Variants in FLT3 observed in about 807,000 individuals in gnomAD.
FLT3 encodes fms related receptor tyrosine kinase 3.
A neutral mutation model predicts 126.6 loss-of-function variants in FLT3; 46 were observed. That is an observed-to-expected ratio of 0.36 (90% CI 0.29 to 0.46). FLT3 has a LOEUF of 0.46. Among genes scored for constraint, FLT3 ranks in the 20% least tolerant of loss-of-function variants. The pLI, the probability that FLT3 is intolerant of heterozygous loss-of-function variation, is 1.00. For synonymous variants in FLT3, 404 were observed against 434.4 expected (o/e 0.93, Z 0.87); for missense variants, 1,069 against 1,190.3 (o/e 0.90, Z 1.50).
intron 1 of FLT3, among the ~76,000 whole-genome samples, chr13:28,096,778 G>T (rs756121347): frequency 6.6e-6 from 1 of 152,110 alleles, no homozygotes; most frequent in Admixed American, 6.5e-5. Context: ...TAATAACTGT[G>T]TTGGAAGGTT....
intron 9 of FLT3, among the ~76,000 whole-genome samples, chr13:28,046,250 A>T (rs1222672766): frequency 6.6e-6 from 1 of 152,204 alleles, no homozygotes. Context: ...TCAGTAAGAG[A>T]CAGTAGACAA....
intron 1 of FLT3, among the ~76,000 whole-genome samples, chr13:28,089,979 G>A (rs1243994841): frequency 6.6e-6 from 1 of 151,552 alleles, no homozygotes; most frequent in Non-Finnish European, 1.5e-5. Context: ...GACTTCAAAT[G>A]ATCCGCCCGC....
intron 6 of FLT3, 71 bp from the exon 7 acceptor site, chr13:28,049,845 C>T: frequency 6.7e-7 from 1 of 1,493,412 alleles, no homozygotes; most frequent in Non-Finnish European, 9.1e-7. Context: ...ATATCCTGAA[C>T]ATTCTGAACA....
chr13:28,052,417 T>A, intron 5 of FLT3, 128 bp downstream of exon 5: 2 of 1,016,246 alleles, frequency 2.0e-6, no homozygotes, highest in Non-Finnish European at 2.9e-6. Context: ...ATTTTTTAAC[T>A]TTAAGAAGCC....
intron 9 of FLT3, among the ~76,000 whole-genome samples, chr13:28,046,132 G>A (rs547060333): frequency 1.8e-3 from 276 of 152,148 alleles, no homozygotes; most frequent in African/African-American, 6.3e-3. Context: ...TGCCAGCAGC[G>A]CCACTGTTGA....
intron 2 of FLT3, among the ~76,000 whole-genome samples, chr13:28,069,032 G>A (rs945787162): frequency 1.3e-5 from 2 of 152,188 alleles, no homozygotes; most frequent in Non-Finnish European, 2.9e-5. Flanking sequence ...GAAAAACAAA[G>A]TCGGAACTTG....
intron 19 of FLT3, among the ~76,000 whole-genome samples, chr13:28,020,884 C>T (rs367899530): frequency 1.5e-4 from 23 of 152,080 alleles, no homozygotes; most frequent in African/African-American, 4.6e-4. Context: ...GACAGTGACA[C>T]GCATGATTCA....
intron 4 of FLT3, among the ~76,000 whole-genome samples, chr13:28,052,948 T>G (rs1308065695): frequency 6.6e-6 from 1 of 152,170 alleles, no homozygotes; most frequent in East Asian, 1.9e-4. Context: ...TGAAGCCATG[T>G]GAAAATACAA....
At chr13:28,019,818 C>A (rs1302050364) in intron 19 of FLT3, among the ~76,000 whole-genome samples, 1 of 152,190 alleles carries the variant, frequency 6.6e-6, no homozygotes, top group African/African-American at 2.4e-5. Flanking sequence ...GCATGGTTCA[C>A]TCCTGCTTTC....
At chr13:28,049,855 A>G in intron 6 of FLT3, 81 bp from the exon 7 acceptor site, 1 of 1,451,870 alleles carries the variant, frequency 6.9e-7, no homozygotes, top group Non-Finnish European at 9.4e-7. Context: ...CATTCTGAAC[A>G]AAGACTTTAG....
At chr13:28,059,411 G>A (rs760967085) in intron 3 of FLT3, among the ~76,000 whole-genome samples, 1 of 152,122 alleles carries the variant, frequency 6.6e-6, no homozygotes, top group African/African-American at 2.4e-5. Flanking sequence ...TTCGGCAAGA[G>A]GACAAGGACA....
chr13:28,064,773 C>A (rs1876869901), intron 2 of FLT3, among the ~76,000 whole-genome samples: 1 of 152,080 alleles, frequency 6.6e-6, no homozygotes, highest in Non-Finnish European at 1.5e-5. Context: ...GGGAACACAC[C>A]CTGCACAACC....
At chr13:28,032,246 T>C (rs1441676858) in intron 15 of FLT3, among the ~76,000 whole-genome samples, 2 of 152,120 alleles carry the variant, frequency 1.3e-5, no homozygotes, top group Non-Finnish European at 2.9e-5. Context: ...ATCCAAACAT[T>C]TAACATATGA....
chr13:28,064,327 C>A (rs1488942332), intron 2 of FLT3, among the ~76,000 whole-genome samples: 2 of 151,826 alleles, frequency 1.3e-5, no homozygotes, highest in African/African-American at 4.8e-5. Flanking sequence ...GAAATCCCAG[C>A]ACTTTGGGAG....
chr13:28,073,338 A>G, intron 1 of FLT3: 1 of 360,792 alleles, frequency 2.8e-6, no homozygotes, highest in Non-Finnish European at 5.4e-6. Flanking sequence ...TGACACAGTG[A>G]GACCTCATCT....
intron 23 of FLT3, among the ~76,000 whole-genome samples, chr13:28,008,598 G>A (rs1049420150): frequency 7.2e-5 from 11 of 152,100 alleles, no homozygotes; most frequent in African/African-American, 2.7e-4. Context: ...TCGTGCCTCA[G>A]CCTCCCAAGT....
In FLT3 at chr13:28,049,373, G is replaced by T. The variant is rs1875210304; in HGVS notation, c.1036+11C>A. On this transcript the variant is annotated intron_variant, in intron 8 of 23. Coordinates refer to ENST00000241453, the MANE Select transcript of FLT3 (RefSeq NM_004119.3). ...AATAGGAATAAAGATTGTGTGAGCA[G>T]CCTGCATTACCTACGATGGTAACCA... is the stretch of plus-strand genomic sequence containing the variant. 6.2e-7 allele frequency: 1 copy of T among 1,609,522 alleles called. No individual in the cohort carries two copies. The highest frequency in any genetic ancestry group is 1.7e-5 in the Admixed American group (1 of 59,286).
chr13:28,058,217 A>C (rs1566088756), intron 3 of FLT3, among the ~76,000 whole-genome samples: 2 of 93,982 alleles, frequency 2.1e-5, no homozygotes, highest in African/African-American at 7.0e-5. Context: ...TAAAAAAAAA[A>C]AACAAAAAAA....
chr13:28,060,936 A>G (rs920759617), intron 3 of FLT3, among the ~76,000 whole-genome samples: 6 of 152,110 alleles, frequency 3.9e-5, no homozygotes, highest in African/African-American at 1.2e-4. Context: ...TTAGACTTAC[A>G]GGAAAATTGA....
Sources: allele counts gnomAD v4.1 joint callset (sites outside exome capture counted in the v4.1 genomes callset), GRCh38; gene constraint gnomAD v4.1.1; transcripts MANE v1.5; gene names NCBI Gene and HGNC (gene_info 2026-07-23, HGNC 2026-07-21).